Variants in GABRB2 observed in about 807,000 individuals in gnomAD.
GABRB2 encodes the protein gamma-aminobutyric acid type A receptor subunit beta2.
A neutral mutation model predicts 54.7 loss-of-function variants in GABRB2; 16 were observed. The ratio of observed to expected loss-of-function variants is 0.29; its 90% CI spans 0.20 to 0.44. GABRB2 has a LOEUF of 0.44. Ranked by LOEUF, GABRB2 falls within the 20% of genes least tolerant of loss-of-function variation. The probability of loss-of-function intolerance (pLI) is 1.00; values close to 1 mark genes in which losing one functional copy is unlikely to be tolerated. For missense variants in GABRB2, 355 were observed against 644.0 expected, an observed-to-expected ratio of 0.55 and a Z score of 4.86; for synonymous variants, 244 against 233.8, an observed-to-expected ratio of 1.04 and a Z score of -0.40.
intron 5 of GABRB2, among the ~76,000 whole-genome samples, chr5:161,387,984 T>TA (rs541121942): frequency 6.0e-5 from 9 of 151,034 alleles, no homozygotes; most frequent in South Asian, 2.1e-4. Flanking sequence ...AAAGACAAAG[T>TA]AAAAAAAAAT....
chr5:161,351,857 A>G (rs1375409416), intron 5 of GABRB2, among the ~76,000 whole-genome samples: 1 of 152,162 alleles, frequency 6.6e-6, no homozygotes, highest in Non-Finnish European at 1.5e-5. Context: ...CTCAATAGCA[A>G]GAAAACAAAT....
chr5:161,537,004 C>G (rs1760658333), intron 3 of GABRB2, among the ~76,000 whole-genome samples: 3 of 152,036 alleles, frequency 2.0e-5, no homozygotes, highest in Non-Finnish European at 4.4e-5. Flanking sequence ...TACATTTCAC[C>G]AGTGCGCTCC....
At chr5:161,484,125 C>T (rs1046683555) in intron 3 of GABRB2, among the ~76,000 whole-genome samples, 20 of 151,868 alleles carry the variant, frequency 1.3e-4, no homozygotes, top group African/African-American at 4.6e-4. Flanking sequence ...CTCTGATTGA[C>T]ACTATGCCTA....
chr5:161,357,589 A>G (rs1754675220), intron 5 of GABRB2, among the ~76,000 whole-genome samples: 1 of 152,094 alleles, frequency 6.6e-6, no homozygotes, highest in African/African-American at 2.4e-5. Context: ...TTTGTTGGGA[A>G]TGTTCTACAT....
intron 3 of GABRB2, among the ~76,000 whole-genome samples, chr5:161,463,344 C>T (rs1392699827): frequency 1.3e-5 from 2 of 150,100 alleles, no homozygotes; most frequent in East Asian, 2.0e-4. Context: ...CACACACACA[C>T]ACACCTGCAG....
At chr5:161,522,309 C>T (rs1450459554) in intron 3 of GABRB2, among the ~76,000 whole-genome samples, 1 of 151,774 alleles carries the variant, frequency 6.6e-6, no homozygotes, top group East Asian at 1.9e-4. Flanking sequence ...GCCTTGTGAA[C>T]TGACATTACC....
chr5:161,439,796 A>G (rs1281173398), intron 4 of GABRB2, among the ~76,000 whole-genome samples: 1 of 152,028 alleles, frequency 6.6e-6, no homozygotes, highest in African/African-American at 2.4e-5. Context: ...GTGGTGGGGA[A>G]CAACACACAT....
chr5:161,543,494 C>T (rs1020237187), intron 3 of GABRB2, among the ~76,000 whole-genome samples: 2 of 152,050 alleles, frequency 1.3e-5, no homozygotes, highest in East Asian at 1.9e-4. Context: ...TTTTGTGATG[C>T]TCTAAAGAGG....
At chr5:161,315,627 G>A (rs113833006) in intron 9 of GABRB2, among the ~76,000 whole-genome samples, 3,815 of 152,092 alleles carry the variant, frequency 0.025, 58 homozygotes, top group Middle Eastern at 0.089. Context: ...TTTATCCAGT[G>A]TAAGAAGCAT....
At chr5:161,441,359 A>G (rs898424556) in intron 4 of GABRB2, among the ~76,000 whole-genome samples, 2 of 152,226 alleles carry the variant, frequency 1.3e-5, no homozygotes, top group African/African-American at 4.8e-5. Context: ...AAAGATTCTC[A>G]ACATCTCAGA....
intron 5 of GABRB2, among the ~76,000 whole-genome samples, chr5:161,375,478 T>C (rs1408238607): frequency 3.9e-5 from 6 of 152,194 alleles, no homozygotes; most frequent in Non-Finnish European, 8.8e-5. Flanking sequence ...ACTTCTCTCA[T>C]GGATGTTGCT....
intron 5 of GABRB2, among the ~76,000 whole-genome samples, chr5:161,377,133 C>T (rs1755330139): frequency 6.6e-6 from 1 of 151,970 alleles, no homozygotes; most frequent in African/African-American, 2.4e-5. Flanking sequence ...AATTGGCAAG[C>T]TTTAAATAAG....
At chr5:161,522,373 A>G (rs1182304394) in intron 3 of GABRB2, among the ~76,000 whole-genome samples, 1 of 151,752 alleles carries the variant, frequency 6.6e-6, no homozygotes, top group Non-Finnish European at 1.5e-5. Context: ...CAGGCACGAT[A>G]CCTTGGGAGG....
chr5:161,402,109 A>G (rs72813544), intron 5 of GABRB2, among the ~76,000 whole-genome samples: 91 of 151,846 alleles, frequency 6.0e-4, no homozygotes, highest in Non-Finnish European at 1.1e-3. Flanking sequence ...ACATTCATAC[A>G]TATAAAATCA....
At chr5:161,397,476 C>T (rs532169135) in intron 5 of GABRB2, among the ~76,000 whole-genome samples, 109 of 152,056 alleles carry the variant, frequency 7.2e-4, no homozygotes, top group African/African-American at 2.3e-3. Context: ...TTCTAAAGGT[C>T]GCAAAAAGTG....
intron 3 of GABRB2, among the ~76,000 whole-genome samples, chr5:161,470,498 C>A (rs896353521): frequency 6.6e-6 from 1 of 151,880 alleles, no homozygotes; most frequent in East Asian, 1.9e-4. Flanking sequence ...TTCTCTTGAG[C>A]TGTATGGCTA....
intron 2 of GABRB2, 143 bp from the exon 3 acceptor site, chr5:161,545,437 TAAAAA>T (rs56952727): frequency 2.9e-4 from 93 of 324,264 alleles, no homozygotes; most frequent in South Asian, 3.3e-4. Context: ...CTTTTTTTGT[TAAAAA>T]AAAAAAAAAA....
At chr5:161,427,645 G>A (rs1259889269) in intron 4 of GABRB2, among the ~76,000 whole-genome samples, 3 of 152,010 alleles carry the variant, frequency 2.0e-5, no homozygotes, top group Non-Finnish European at 4.4e-5. Flanking sequence ...TAAAACAACA[G>A]ACAAAAACTG....
intron 5 of GABRB2, among the ~76,000 whole-genome samples, chr5:161,352,969 A>G (rs1754518129): frequency 1.3e-5 from 2 of 152,002 alleles, no homozygotes; most frequent in Admixed American, 1.3e-4. Context: ...AAGTCACTAA[A>G]GCCTAACTAC....
Sources: gnomAD v4.1 joint callset for allele counts (sites outside exome capture counted in the v4.1 genomes callset) on GRCh38, gnomAD v4.1.1 for gene constraint, MANE v1.5 for transcripts, NCBI Gene and HGNC (gene_info 2026-07-23, HGNC 2026-07-21) for gene names.